The following EPC1 variants were observed in gnomAD, a reference collection of about 807,000 sequenced individuals.
The protein encoded by EPC1 is enhancer of polycomb 1.
In EPC1, 12 loss-of-function variants were observed where a neutral mutation model predicts 98.4. The ratio of observed to expected loss-of-function variants is 0.12; its 90% CI spans 0.08 to 0.20. The LOEUF (loss-of-function observed/expected upper bound fraction) is 0.20, where lower values mean the gene tolerates loss of function less well. EPC1 is among the 10% of genes least tolerant of loss of function. EPC1 has a pLI of 1.00. For synonymous variants in EPC1, 357 were observed against 363.9 expected, an observed-to-expected ratio of 0.98 and a Z score of 0.21; for missense variants, 729 against 990.5, an observed-to-expected ratio of 0.74 and a Z score of 3.54.
chr10:32,308,984 C>A (rs767105397), intron 1 of EPC1, among the ~76,000 whole-genome samples: 18 of 152,220 alleles, frequency 1.2e-4, no homozygotes, highest in Non-Finnish European at 2.1e-4. Flanking sequence ...TCATTTGCAA[C>A]AACATGGATG....
intron 1 of EPC1, among the ~76,000 whole-genome samples, chr10:32,367,778 CCT>C (rs1239705148): frequency 2.0e-5 from 3 of 152,168 alleles, no homozygotes; most frequent in East Asian, 1.9e-4. Context: ...CTGTTTCTAT[CCT>C]CTCAAATAAA....
At position 32,347,147 on chromosome 10, in the gene EPC1, A is replaced by G; in HGVS notation, c.-232T>C. ...GCCATGGCCAACATGGCGGACATTA[A>G]AACTCCACTGTGCGCTCTTCAGCCA... On this transcript the variant is annotated 5_prime_UTR_variant, in exon 1 of 14. Transcript: ENST00000319778. 1 of 1,417,458 alleles carries G rather than the reference A, an allele frequency of 7.1e-7. No individual in the cohort carries two copies. The highest frequency in any genetic ancestry group is 9.2e-7 in the Non-Finnish European group (1 of 1,089,790). 87.8% of individuals were successfully genotyped at this position (1,417,458 alleles called of 1,614,324 possible).
At position 32,293,836 on chromosome 10, in the gene EPC1, A is replaced by C. The variant is rs911470482; in HGVS notation, c.314-99T>G. ...AAACAAGACCTAGACTTTCTAAAGAAATAAGAAAGAATTCTTGGATTTTGT... is the reference window on the plus strand; with the variant it reads ...AAACAAGACCTAGACTTTCTAAAGACATAAGAAAGAATTCTTGGATTTTGT... On this transcript the variant is annotated intron_variant, in intron 2 of 13. Coordinates refer to ENST00000319778, the MANE Select transcript of EPC1 (RefSeq NM_001272004.3). The C allele has an allele frequency of 1.4e-5, 16 of 1,111,674 alleles. No homozygotes were observed. The Admixed American group carries it at 4.3e-4, about 30-fold the overall frequency. The allele number at this position is 1,111,674 out of a possible 1,614,324, so 68.9% of individuals were successfully genotyped here. A position where few individuals can be genotyped will look rare whatever the true frequency, so the allele number is the denominator to read the frequency against.
At chr10:32,311,467 T>C (rs943244955) in intron 1 of EPC1, among the ~76,000 whole-genome samples, 10 of 151,934 alleles carry the variant, frequency 6.6e-5, no homozygotes, top group African/African-American at 2.4e-4. Context: ...AAGAGGGCAC[T>C]ACAGGTCAGG....
At chr10:32,345,383 A>G (rs1592625118) in intron 1 of EPC1, 1 of 985,460 alleles carries the variant, frequency 1.0e-6, no homozygotes. Flanking sequence ...CAAAGAGTTT[A>G]AACAGTTTTA....
In EPC1 at chr10:32,332,327, G is replaced by A. The variant is rs531870806; in HGVS notation, c.153+14436C>T. 2.0e-5 allele frequency among the ~76,000 whole-genome samples: 3 copies of A among 152,306 alleles called. No homozygotes were observed. The East Asian group carries it at 5.8e-4, about 29-fold the overall frequency. On this transcript the variant is annotated intron_variant, in intron 1 of 13. Transcript: ENST00000319778. ...ACAGCATGGCCCACTGAGAGAGCAT[G>A]AAGCACAGTATAGTTCAGTTCACTG...
chr10:32,349,883 A>G (rs1356132473), upstream of EPC1, among the ~76,000 whole-genome samples: 1 of 152,200 alleles, frequency 6.6e-6, no homozygotes, highest in Admixed American at 6.5e-5. Context: ...TACAGGTGTG[A>G]GCCACTGCGT....
In EPC1 at chr10:32,287,286, A is replaced by T. The variant is rs757590823; in HGVS notation, c.976-12T>A. 1 of 1,613,120 alleles carries T rather than the reference A, an allele frequency of 6.2e-7. No individual in the cohort carries two copies. Among genetic ancestry groups the T allele is most frequent in the Admixed American group, 1.7e-5 (1 of 59,904 alleles). On this transcript the variant is annotated splice_polypyrimidine_tract_variant and intron_variant, in intron 6 of 13. Transcript: ENST00000319778. Reference sequence around the variant, plus strand: ...TCGGCTTTATCTTGCTGCAACAAAGACATGAATTAATTATACACCAGAAAC... The same window carrying T: ...TCGGCTTTATCTTGCTGCAACAAAGTCATGAATTAATTATACACCAGAAAC...
chr10:32,352,262 T>TG (rs1415062588), intron 1 of EPC1, among the ~76,000 whole-genome samples: 1 of 151,054 alleles, frequency 6.6e-6, no homozygotes, highest in East Asian at 2.0e-4. Flanking sequence ...TTAGCCAGGA[T>TG]GGTCTCGATC....
At position 32,317,758 on chromosome 10, in the gene EPC1, T is replaced by C. The variant is rs148299645; in HGVS notation, c.154-11827A>G. On this transcript the variant is annotated intron_variant, in intron 1 of 13. Transcript: ENST00000319778. ...AAGGAAAAGAGCAATTTAATATCTA[T>C]TATATTTCACAAGAAATAAATGATA... Among the ~76,000 whole-genome samples the C allele has an allele frequency of 4.0e-3, 616 of 152,342 alleles. 7 individuals carry two copies. The highest frequency in any genetic ancestry group is 0.014 in the African/African-American group (584 of 41,582).
In EPC1 at chr10:32,286,661, TA is replaced by T; in HGVS notation, c.1391+32del. On this transcript the variant is annotated intron_variant, in intron 9 of 13. Transcript: ENST00000319778. Reference sequence around the variant, plus strand: ...GATTCAATCACCCTAATGCCTAAAATATCCTTCTGCTAGGAATACAGAAATA... The same window carrying T: ...GATTCAATCACCCTAATGCCTAAAATTCCTTCTGCTAGGAATACAGAAATA... The T allele has an allele frequency of 1.9e-6, 3 of 1,610,898 alleles. No individual in the cohort carries two copies. In the East Asian group the frequency reaches 6.7e-5, roughly 36 times the overall value.
intron 10 of EPC1, among the ~76,000 whole-genome samples, chr10:32,278,576 T>C (rs1353157791): frequency 6.6e-6 from 1 of 151,436 alleles, no homozygotes; most frequent in Non-Finnish European, 1.5e-5. Context: ...AGAGACGGGG[T>C]TTCACCGTTT....
At chr10:32,292,929 C>A in intron 4 of EPC1, 59 bp downstream of exon 4, 1 of 1,136,532 alleles carries the variant, frequency 8.8e-7, no homozygotes, top group South Asian at 1.9e-5. Flanking sequence ...TTGAGACAGT[C>A]ATAACTATAA....
chr10:32,339,892 A>T (rs2133023973), intron 1 of EPC1, among the ~76,000 whole-genome samples: 1 of 152,340 alleles, frequency 6.6e-6, no homozygotes, highest in East Asian at 1.9e-4. Flanking sequence ...CAAGGTAGGG[A>T]AAGTTTCCTT....
chr10:32,365,758 G>A (rs953493134), intron 1 of EPC1, among the ~76,000 whole-genome samples: 7 of 138,564 alleles, frequency 5.1e-5, no homozygotes, highest in African/African-American at 1.9e-4. Flanking sequence ...GGCAGAGGTT[G>A]CACTGAGCCG....
intron 1 of EPC1, among the ~76,000 whole-genome samples, chr10:32,362,032 T>C (rs1839456824): frequency 6.6e-6 from 1 of 152,210 alleles, no homozygotes; most frequent in Middle Eastern, 3.2e-3. Flanking sequence ...CTATATGCTC[T>C]AAAATAAGGA....
chr10:32,288,665 A>C (rs1467076818), intron 6 of EPC1, among the ~76,000 whole-genome samples: 2 of 152,114 alleles, frequency 1.3e-5, no homozygotes, highest in African/African-American at 4.8e-5. Context: ...GTAACTTTCA[A>C]GTATGAGTGG....
chr10:32,350,476 A>G (rs1839079919), upstream of EPC1, among the ~76,000 whole-genome samples: 2 of 152,228 alleles, frequency 1.3e-5, no homozygotes, highest in Non-Finnish European at 2.9e-5. Context: ...ATGCTATTAT[A>G]GAAGAAAGAA....
intron 2 of EPC1, among the ~76,000 whole-genome samples, chr10:32,304,868 G>A (rs183362360): frequency 8.1e-5 from 12 of 147,808 alleles, no homozygotes; most frequent in African/African-American, 2.0e-4. Flanking sequence ...GTGGTAAGCC[G>A]AGATCGCGCC....
Sources: gnomAD v4.1 joint callset for allele counts (sites outside exome capture counted in the v4.1 genomes callset) on GRCh38, gnomAD v4.1.1 for gene constraint, MANE v1.5 for transcripts, NCBI Gene and HGNC (gene_info 2026-07-23, HGNC 2026-07-21) for gene names.